Variants in CDC42BPA observed in about 807,000 individuals in gnomAD.
CDC42BPA encodes serine/threonine-protein kinase MRCK alpha.
In CDC42BPA, 80 loss-of-function variants were observed where a neutral mutation model predicts 223.5. The ratio of observed to expected loss-of-function variants is 0.36; its 90% CI spans 0.30 to 0.43. The LOEUF is 0.43. CDC42BPA is among the 20% of genes least tolerant of loss of function. The pLI is 1.00. For missense variants in CDC42BPA, 1,743 were observed against 2,099.9 expected (o/e 0.83, Z 3.32); for synonymous variants, 694 against 718.6 (o/e 0.97, Z 0.55).
chr1:227,155,464 A>G (rs1662575623), intron 6 of CDC42BPA, among the ~76,000 whole-genome samples: 2 of 152,206 alleles, frequency 1.3e-5, no homozygotes, highest in African/African-American at 2.4e-5. Flanking sequence ...AACAGAGTCC[A>G]ATACTAGAGA....
intron 23 of CDC42BPA, among the ~76,000 whole-genome samples, chr1:227,043,348 G>A (rs1671768945): frequency 6.6e-6 from 1 of 150,882 alleles, no homozygotes. Flanking sequence ...GGTAGGCAGA[G>A]GCTGCAGCGA....
At chr1:227,013,541 C>G (rs952662974) in intron 34 of CDC42BPA, among the ~76,000 whole-genome samples, 2 of 152,016 alleles carry the variant, frequency 1.3e-5, no homozygotes, top group African/African-American at 4.8e-5. Flanking sequence ...TGAAAGAACT[C>G]TGGAACATTA....
At chr1:227,180,910 CT>C (rs35588312) in intron 5 of CDC42BPA, among the ~76,000 whole-genome samples, 16,657 of 139,772 alleles carry the variant, frequency 0.12, 1,144 homozygotes, top group South Asian at 0.22. Context: ...AACTTGGGGC[CT>C]TTTTTTTTTT....
At position 227,198,969 on chromosome 1, in the gene CDC42BPA, C is replaced by CA. The variant is rs573881227; in HGVS notation, c.450+587dup. Among the ~76,000 whole-genome samples, 1,250 of 152,230 alleles carry CA rather than the reference C, an allele frequency of 8.2e-3. 6 individuals carry two copies. Among genetic ancestry groups the CA allele is most frequent in the Non-Finnish European group, 0.012 (789 of 68,016 alleles). On this transcript the variant is annotated intron_variant, in intron 4 of 36. Transcript: ENST00000366766. ...TTCACCGTGTTAGCTAGGATGGTCT[C>CA]AATCTCCTAACCTCATGATCCTCCC...
In CDC42BPA at chr1:227,213,287, C is replaced by T. The variant is rs915367548; in HGVS notation, c.271-68G>A. ...ATAATTTTTTCAGCCATCCATTTTCCTTTTTCCTCTGTAAAAAAATAAATA... is the reference window on the plus strand; with the variant it reads ...ATAATTTTTTCAGCCATCCATTTTCTTTTTTCCTCTGTAAAAAAATAAATA... On this transcript the variant is annotated intron_variant, in intron 2 of 36. Transcript: ENST00000366766. 11 of 761,268 alleles carry T rather than the reference C, an allele frequency of 1.4e-5. No individual in the cohort carries two copies. The African/African-American group carries it at 2.0e-4, about 14-fold the overall frequency. The allele number at this position is 761,268 out of a possible 1,614,324, so 47.2% of individuals were successfully genotyped here. A position where few individuals can be genotyped will look rare whatever the true frequency, so the allele number is the denominator to read the frequency against.
intron 1 of CDC42BPA, among the ~76,000 whole-genome samples, chr1:227,274,011 A>T (rs1285923745): frequency 6.6e-6 from 1 of 150,572 alleles, no homozygotes; most frequent in East Asian, 1.9e-4. Context: ...AAAAAAAAAA[A>T]AAAAAAAAAA....
At chr1:227,113,006 C>T (rs539550784) in intron 12 of CDC42BPA, 93 bp from the exon 13 acceptor site, 2 of 1,183,958 alleles carry the variant, frequency 1.7e-6, no homozygotes, top group Non-Finnish European at 2.4e-6. Context: ...TCAAGAAGAG[C>T]CAAAATTATT....
At chr1:227,231,235 GTT>G (rs200386372) in intron 2 of CDC42BPA, among the ~76,000 whole-genome samples, 29,592 of 149,726 alleles carry the variant, frequency 0.2, 2,982 homozygotes, top group East Asian at 0.26. Context: ...AATATGCGGT[GTT>G]GTTTTCTGTC....
At chr1:227,234,609 G>C (rs1169925571) in intron 2 of CDC42BPA, 1 of 152,284 alleles carries the variant, frequency 6.6e-6, no homozygotes, top group Non-Finnish European at 1.5e-5. Context: ...AGAAAAGCCT[G>C]TTCTCTCTCA....
chr1:227,229,372 T>C (rs1459879574), intron 2 of CDC42BPA, among the ~76,000 whole-genome samples: 1 of 152,216 alleles, frequency 6.6e-6, no homozygotes, highest in East Asian at 1.9e-4. Flanking sequence ...GATTTATATA[T>C]GAGCCTTATG....
chr1:227,178,661 A>T (rs1667380338), intron 5 of CDC42BPA, among the ~76,000 whole-genome samples: 1 of 151,948 alleles, frequency 6.6e-6, no homozygotes, highest in South Asian at 2.1e-4. Context: ...ACGCCCAGCT[A>T]ATGTTGTATT....
intron 2 of CDC42BPA, among the ~76,000 whole-genome samples, chr1:227,220,311 T>TATATATATATATATACACAC (rs1210485137): frequency 8.1e-5 from 4 of 49,532 alleles, no homozygotes; most frequent in African/African-American, 2.9e-4. Context: ...TATATATATA[T>TATATATATATATATACACAC]ACACACACAC....
chr1:227,249,380 T>C (rs1681567833), intron 2 of CDC42BPA, among the ~76,000 whole-genome samples: 1 of 152,130 alleles, frequency 6.6e-6, no homozygotes, highest in South Asian at 2.1e-4. Flanking sequence ...GCACAAAAAT[T>C]TCTTAAAACA....
chr1:227,188,929 G>A (rs1287317143), intron 5 of CDC42BPA, among the ~76,000 whole-genome samples: 1 of 152,140 alleles, frequency 6.6e-6, no homozygotes, highest in Non-Finnish European at 1.5e-5. Flanking sequence ...TAGTGGGGGA[G>A]GCTGTGCGTG....
At chr1:227,309,708 A>T (rs1693190933) in intron 1 of CDC42BPA, among the ~76,000 whole-genome samples, 1 of 152,206 alleles carries the variant, frequency 6.6e-6, no homozygotes, top group Non-Finnish European at 1.5e-5. Flanking sequence ...ATAAAGTGAC[A>T]ATTTCTGTAT....
At chr1:227,040,349 A>G in intron 23 of CDC42BPA, 113 bp from the exon 24 acceptor site, 2 of 643,036 alleles carry the variant, frequency 3.1e-6, no homozygotes, top group Non-Finnish European at 5.5e-6. Context: ...AATAGAATGA[A>G]TTATTTCCAT....
At chr1:227,233,060 AG>A (rs1226181872) in intron 2 of CDC42BPA, among the ~76,000 whole-genome samples, 1 of 152,216 alleles carries the variant, frequency 6.6e-6, no homozygotes, top group Non-Finnish European at 1.5e-5. Context: ...CCTCCGAGCC[AG>A]GTGCGGGATA....
chr1:227,141,778 T>C (rs1319715818), intron 9 of CDC42BPA, among the ~76,000 whole-genome samples: 1 of 152,130 alleles, frequency 6.6e-6, no homozygotes, highest in East Asian at 1.9e-4. Context: ...CACTCCAGCC[T>C]AGACAGCACA....
At chr1:227,258,426 G>A (rs187364675) in intron 1 of CDC42BPA, among the ~76,000 whole-genome samples, 6 of 150,706 alleles carry the variant, frequency 4.0e-5, no homozygotes. Context: ...GGGTAAATAT[G>A]AACACAGAAC....
Sources: allele counts gnomAD v4.1 joint callset (sites outside exome capture counted in the v4.1 genomes callset), GRCh38; gene constraint gnomAD v4.1.1; transcripts MANE v1.5; gene names NCBI Gene and HGNC (gene_info 2026-07-23, HGNC 2026-07-21).